The following NME7 variants were observed in gnomAD, a reference collection of about 807,000 sequenced individuals.
The protein encoded by NME7 is nucleoside diphosphate kinase 7.
In NME7, 41 loss-of-function variants were observed where a neutral mutation model predicts 49.1. The observed-to-expected ratio is 0.83, with a 90% CI of 0.65 to 1.08. The LOEUF (loss-of-function observed/expected upper bound fraction) is 1.08, where lower values mean the gene tolerates loss of function less well. Among genes scored for constraint, NME7 ranks in the 50% least tolerant of loss-of-function variants. NME7 has a pLI of 0.00. For missense variants in NME7, 423 were observed against 463.4 expected (o/e 0.91, Z 0.80); for synonymous variants, 139 against 150.6 (o/e 0.92, Z 0.56).
At chr1:169,136,214 C>T (rs746575785) in intron 11 of NME7, among the ~76,000 whole-genome samples, 18 of 152,138 alleles carry the variant, frequency 1.2e-4, no homozygotes, top group Non-Finnish European at 2.4e-4. Flanking sequence ...GGATCCTTTC[C>T]TTTTGATAAG....
chr1:169,238,672 T>C (rs949395241), intron 7 of NME7, among the ~76,000 whole-genome samples: 1 of 152,032 alleles, frequency 6.6e-6, no homozygotes, highest in African/African-American at 2.4e-5. Context: ...GAGGTGGATC[T>C]GTTTCTCAAA....
At chr1:169,349,610 C>T (rs1653078031) in intron 1 of NME7, among the ~76,000 whole-genome samples, 1 of 152,092 alleles carries the variant, frequency 6.6e-6, no homozygotes, top group African/African-American at 2.4e-5. Flanking sequence ...TTTCTCATGA[C>T]ATTTTTAAAA....
intron 6 of NME7, among the ~76,000 whole-genome samples, chr1:169,289,011 T>C (rs1255734032): frequency 6.6e-6 from 1 of 152,072 alleles, no homozygotes; most frequent in Non-Finnish European, 1.5e-5. Flanking sequence ...TCAAAAGAAA[T>C]GTCTTTCTTT....
intron 10 of NME7, among the ~76,000 whole-genome samples, chr1:169,192,719 C>A (rs527843428): frequency 1.3e-5 from 2 of 152,220 alleles, no homozygotes; most frequent in Admixed American, 6.5e-5. Flanking sequence ...TGGAGAAAAA[C>A]TATTTGGTCT....
At chr1:169,283,969 A>G (rs182401267) in intron 7 of NME7, 2 of 152,038 alleles carry the variant, frequency 1.3e-5, no homozygotes, top group East Asian at 1.9e-4. Flanking sequence ...TGTTCTCTGT[A>G]TTTCCTGAAT....
intron 11 of NME7, among the ~76,000 whole-genome samples, chr1:169,143,179 C>T (rs947270140): frequency 6.6e-6 from 1 of 151,508 alleles, no homozygotes; most frequent in Non-Finnish European, 1.5e-5. Flanking sequence ...TCAAGGGTTG[C>T]CTCCTGATGT....
intron 7 of NME7, among the ~76,000 whole-genome samples, chr1:169,252,617 T>C (rs1435908868): frequency 1.3e-5 from 2 of 152,226 alleles, no homozygotes; most frequent in East Asian, 1.9e-4. Context: ...TTTGGTGTTT[T>C]AGACATGAAG....
intron 7 of NME7, among the ~76,000 whole-genome samples, chr1:169,275,764 A>G (rs1649692661): frequency 7.5e-6 from 1 of 133,154 alleles, no homozygotes; most frequent in South Asian, 2.3e-4. Flanking sequence ...GTCCTGTGCC[A>G]GTTTTCAAAT....
At chr1:169,190,567 T>C in intron 10 of NME7, 1 of 390,424 alleles carries the variant, frequency 2.6e-6, no homozygotes, top group South Asian at 1.9e-5. Context: ...ATGGACTACT[T>C]TAGTAATTAG....
In NME7 at chr1:169,218,683, T is replaced by TA. The variant is rs1553246984; in HGVS notation, c.990+12034dup. On this transcript the variant is annotated intron_variant, in intron 10 of 11. Coordinates refer to ENST00000367811, the MANE Select transcript of NME7 (RefSeq NM_013330.5). ...AATTTTTTTTTTTTTTTTTTTTTTTTAGTAATATAGCCCAATGCCAATCAA... is the reference window on the plus strand; with the variant it reads ...AATTTTTTTTTTTTTTTTTTTTTTTTAAGTAATATAGCCCAATGCCAATCAA... Among the ~76,000 whole-genome samples, 301 of 139,032 alleles carry TA rather than the reference T, an allele frequency of 2.2e-3. 2 individuals are homozygous for TA. Among genetic ancestry groups the TA allele is most frequent in the Middle Eastern group, 7.4e-3 (2 of 270 alleles). 91.2% of individuals were successfully genotyped at this position (139,032 alleles called of 152,430 possible). A position where few individuals can be genotyped will look rare whatever the true frequency, so the allele number is the denominator to read the frequency against.
intron 3 of NME7, among the ~76,000 whole-genome samples, chr1:169,311,716 G>A (rs1209383649): frequency 6.6e-5 from 10 of 152,050 alleles, no homozygotes; most frequent in Admixed American, 6.6e-4. Context: ...ACATTTCACT[G>A]ACCATGGCTC....
At chr1:169,343,857 A>C (rs1652863181) in intron 1 of NME7, among the ~76,000 whole-genome samples, 1 of 152,164 alleles carries the variant, frequency 6.6e-6, no homozygotes, top group Non-Finnish European at 1.5e-5. Context: ...TAAGTCTTCC[A>C]GTTTTGTTGT....
intron 1 of NME7, among the ~76,000 whole-genome samples, chr1:169,355,072 GATATAA>G (rs1557837308): frequency 1.9e-5 from 1 of 52,672 alleles, no homozygotes; most frequent in African/African-American, 7.8e-5. Context: ...ATATATTATA[GATATAA>G]TATATAATAT....
chr1:169,358,826 T>C (rs986006204), intron 1 of NME7, among the ~76,000 whole-genome samples: 60 of 152,120 alleles, frequency 3.9e-4, no homozygotes, highest in African/African-American at 1.4e-3. Context: ...GAGTATTCAC[T>C]GGCAAAACTA....
At chr1:169,158,507 G>C (rs1659148688) in intron 11 of NME7, among the ~76,000 whole-genome samples, 1 of 152,082 alleles carries the variant, frequency 6.6e-6, no homozygotes, top group Admixed American at 6.5e-5. Context: ...GCTGTGGAAA[G>C]TGAAACCATG....
Position 169,275,083 on chromosome 1 carries a change from T to C in NME7, c.754+12220A>G, listed in dbSNP as rs1179620913. Among the ~76,000 whole-genome samples, 9 of 133,040 alleles carry C rather than the reference T, an allele frequency of 6.8e-5. 1 individual carries two copies. The highest frequency in any genetic ancestry group is 1.6e-4 in the Non-Finnish European group (9 of 56,806). 87.3% of individuals were successfully genotyped at this position (133,040 alleles called of 152,430 possible). On this transcript the variant is annotated intron_variant, in intron 7 of 11. Transcript: ENST00000367811. ...AGTATGGCCATTTTCACGATATTGA[T>C]TCTTCCCACCCATGAGCATGGAATG...
At chr1:169,208,324 A>T (rs1360036109) in intron 10 of NME7, among the ~76,000 whole-genome samples, 1 of 152,150 alleles carries the variant, frequency 6.6e-6, no homozygotes, top group Non-Finnish European at 1.5e-5. Context: ...AATACTTCAT[A>T]TGCACTTTGA....
chr1:169,266,892 ACT>A lies in NME7; in HGVS notation c.754+20409_754+20410del, dbSNP rs1229308917. ...AGACCAGCCTGGCCAACATAGTGAA[ACT>A]CTGTCTCTATTAATAATATAAAAAT... is the stretch of plus-strand genomic sequence containing the variant. On this transcript the variant is annotated intron_variant, in intron 7 of 11. Coordinates refer to ENST00000367811, the MANE Select transcript of NME7 (RefSeq NM_013330.5). Among the ~76,000 whole-genome samples the A allele has an allele frequency of 1.5e-5, 2 of 132,018 alleles. 1 individual carries two copies. Among genetic ancestry groups the A allele is most frequent in the Non-Finnish European group, 3.6e-5 (2 of 56,338 alleles). 86.6% of individuals were successfully genotyped at this position (132,018 alleles called of 152,430 possible). A position where few individuals can be genotyped will look rare whatever the true frequency, so the allele number is the denominator to read the frequency against.
intron 6 of NME7, among the ~76,000 whole-genome samples, chr1:169,291,115 A>G (rs997472455): frequency 5.3e-5 from 8 of 152,198 alleles, no homozygotes; most frequent in African/African-American, 1.9e-4. Flanking sequence ...TTCCTCAAGG[A>G]TCTAGAACCA....
Sources: gnomAD v4.1 joint callset for allele counts (sites outside exome capture counted in the v4.1 genomes callset) on GRCh38, gnomAD v4.1.1 for gene constraint, MANE v1.5 for transcripts, NCBI Gene and HGNC (gene_info 2026-07-23, HGNC 2026-07-21) for gene names.